The following CBL variants were observed in gnomAD, a reference collection of about 807,000 sequenced individuals.
The protein encoded by CBL is E3 ubiquitin-protein ligase CBL.
A neutral mutation model predicts 96.9 loss-of-function variants in CBL; 45 were observed. The ratio of observed to expected loss-of-function variants is 0.46; its 90% CI spans 0.37 to 0.60. CBL has a LOEUF of 0.60. Ranked by LOEUF, CBL falls within the 20% of genes least tolerant of loss-of-function variation. CBL has a pLI of 0.00. For missense variants in CBL, 1,024 were observed against 1,143.5 expected (o/e 0.90, Z 1.51); for synonymous variants, 420 against 426.8 (o/e 0.98, Z 0.20).
chr11:119,285,829 A>C (rs932272764), intron 11 of CBL, among the ~76,000 whole-genome samples: 4 of 151,978 alleles, frequency 2.6e-5, no homozygotes, highest in Admixed American at 6.6e-5. Context: ...CCAGGAGGCC[A>C]AGCTTTCAGT....
At chr11:119,228,808 C>T (rs993840308) in intron 1 of CBL, among the ~76,000 whole-genome samples, 1 of 127,352 alleles carries the variant, frequency 7.9e-6, no homozygotes, top group South Asian at 3.6e-4. Context: ...TTCTCTCTCT[C>T]TCTCTCTTTT....
At chr11:119,267,179 G>A (rs900122388) in intron 2 of CBL, among the ~76,000 whole-genome samples, 2 of 152,080 alleles carry the variant, frequency 1.3e-5, no homozygotes, top group African/African-American at 2.4e-5. Flanking sequence ...GCTTACAGTG[G>A]ATATCTCTGG....
At position 119,275,902 on chromosome 11, in the gene CBL, T is replaced by C. The variant is rs1235942900; in HGVS notation, c.870-95T>C. ...GAAAGGAAGAAAGTTATTGTTATTC[T>C]TGATGGTTCTTTTGATTTTTGTCTG... On this transcript the variant is annotated intron_variant, in intron 5 of 15. Transcript: ENST00000264033. 3.4e-6 allele frequency: 4 copies of C among 1,164,390 alleles called. No individual in the cohort carries two copies. The African/African-American group carries it at 6.0e-5, about 18-fold the overall frequency. The allele number at this position is 1,164,390 out of a possible 1,614,324, so 72.1% of individuals were successfully genotyped here. A position where few individuals can be genotyped will look rare whatever the true frequency, so the allele number is the denominator to read the frequency against.
At chr11:119,296,540 G>A (rs1220254823) in intron 12 of CBL, among the ~76,000 whole-genome samples, 3 of 152,178 alleles carry the variant, frequency 2.0e-5, no homozygotes, top group African/African-American at 4.8e-5. Flanking sequence ...GAAACCATAG[G>A]TAGAGTTTAG....
intron 4 of CBL, 78 bp from the exon 5 acceptor site, chr11:119,274,753 GT>G (rs367590251): frequency 0.018 from 18,995 of 1,041,142 alleles, 1 homozygote; most frequent in Non-Finnish European, 0.02. Flanking sequence ...AGTTGGTGTT[GT>G]TTTTTTTTTT....
chr11:119,281,194 G>A (rs1045423847), intron 9 of CBL, among the ~76,000 whole-genome samples: 1 of 152,056 alleles, frequency 6.6e-6, no homozygotes, highest in Non-Finnish European at 1.5e-5. Context: ...GTGTCCCCTC[G>A]CCATCCTCAT....
At position 119,299,669 on chromosome 11, in the gene CBL, C is replaced by T; in HGVS notation, c.2609C>T (p.Ser870Phe). 1 of 1,614,196 alleles carries T rather than the reference C, an allele frequency of 6.2e-7. No homozygotes were observed. The highest frequency in any genetic ancestry group is 8.5e-7 in the Non-Finnish European group (1 of 1,180,014). ...EIENLMSQGY[S>F]YQDIQKALVI... ...GAGAACCTCATGAGTCAGGGGTACT[C>T]CTACCAGGACATCCAGAAAGCTTTG... is the stretch of plus-strand genomic sequence containing the variant. The change falls in exon 16 of 16, where the codon TCC (serine) becomes TTC (phenylalanine). Residue 870 changes from serine (S) to phenylalanine (F), a missense_variant. Ser to Phe is a radical substitution (Grantham distance 155). Coordinates refer to ENST00000264033, the MANE Select transcript of CBL (RefSeq NM_005188.4).
intron 15 of CBL, 100 bp downstream of exon 15, chr11:119,298,640 A>G: frequency 1.9e-6 from 2 of 1,025,776 alleles, no homozygotes; most frequent in Non-Finnish European, 3.1e-6. Context: ...GTAAGTCAGT[A>G]TGTAGGCTAA....
chr11:119,218,350 C>A (rs1442742841), intron 1 of CBL, among the ~76,000 whole-genome samples: 1 of 152,138 alleles, frequency 6.6e-6, no homozygotes, highest in African/African-American at 2.4e-5. Context: ...TTAGACCAGT[C>A]AGGCTCTTCT....
chr11:119,262,779 T>C (rs373365810), intron 2 of CBL, among the ~76,000 whole-genome samples: 10 of 152,222 alleles, frequency 6.6e-5, no homozygotes, highest in African/African-American at 2.2e-4. Flanking sequence ...CAAGTTGCTG[T>C]AGGGGGTTCA....
At chr11:119,287,981 G>A (rs1192729505) in intron 12 of CBL, 35 bp downstream of exon 12, 2 of 1,409,182 alleles carry the variant, frequency 1.4e-6, no homozygotes, top group Admixed American at 1.7e-5. Flanking sequence ...GTACAGTGGA[G>A]TTGTTACTTG....
At chr11:119,258,080 T>C (rs1949724225) in intron 2 of CBL, among the ~76,000 whole-genome samples, 1 of 151,908 alleles carries the variant, frequency 6.6e-6, no homozygotes, top group Non-Finnish European at 1.5e-5. Context: ...TATGAAAAAT[T>C]AGCCAGGTGT....
intron 2 of CBL, among the ~76,000 whole-genome samples, chr11:119,233,269 G>C (rs929560197): frequency 6.6e-6 from 1 of 151,590 alleles, no homozygotes; most frequent in African/African-American, 2.4e-5. Context: ...TTATTTTTTT[G>C]AGACAGAGTC....
At chr11:119,256,803 A>T (rs1443854146) in intron 2 of CBL, among the ~76,000 whole-genome samples, 3 of 151,986 alleles carry the variant, frequency 2.0e-5, no homozygotes, top group African/African-American at 7.3e-5. Context: ...CTACTTATAA[A>T]TGAGAACCTG....
chr11:119,297,264 A>C, intron 13 of CBL, 120 bp from the exon 14 acceptor site: 1 of 869,618 alleles, frequency 1.1e-6, no homozygotes, highest in Non-Finnish European at 1.9e-6. Flanking sequence ...ATAACTTGCC[A>C]CAAGAGTCAA....
At chr11:119,222,208 C>T (rs1949417513) in intron 1 of CBL, among the ~76,000 whole-genome samples, 1 of 152,112 alleles carries the variant, frequency 6.6e-6, no homozygotes, top group Non-Finnish European at 1.5e-5. Flanking sequence ...GTATGGTTTT[C>T]TGCCTAATTA....
chr11:119,289,291 C>T (rs1460294088), intron 12 of CBL, among the ~76,000 whole-genome samples: 2 of 152,102 alleles, frequency 1.3e-5, no homozygotes, highest in African/African-American at 2.4e-5. Flanking sequence ...AATTCTCCAC[C>T]TATGACTGTG....
At chr11:119,258,349 C>T (rs975998354) in intron 2 of CBL, among the ~76,000 whole-genome samples, 5 of 152,054 alleles carry the variant, frequency 3.3e-5, no homozygotes, top group Non-Finnish European at 7.4e-5. Context: ...CTTCTGGGGA[C>T]GCCTCAGGAA....
At chr11:119,281,996 T>C (rs1049929581) in intron 9 of CBL, among the ~76,000 whole-genome samples, 4 of 152,218 alleles carry the variant, frequency 2.6e-5, no homozygotes, top group Non-Finnish European at 5.9e-5. Context: ...TTTCCATTTA[T>C]AAATTTATAA....
Sources: allele counts gnomAD v4.1 joint callset (sites outside exome capture counted in the v4.1 genomes callset), GRCh38; gene constraint gnomAD v4.1.1; transcripts MANE v1.5; gene names NCBI Gene and HGNC (gene_info 2026-07-23, HGNC 2026-07-21).